PTPRB: variants seen among roughly 807,000 people sequenced by gnomAD.
PTPRB encodes protein tyrosine phosphatase receptor type B, also known as receptor-type tyrosine-protein phosphatase beta.
Under a neutral mutation model 238.1 loss-of-function variants are expected in PTPRB, and 97 were observed. The ratio of observed to expected loss-of-function variants is 0.41; its 90% CI spans 0.35 to 0.48. The LOEUF (loss-of-function observed/expected upper bound fraction) is 0.48, where lower values mean the gene tolerates loss of function less well. PTPRB is among the 20% of genes least tolerant of loss of function. PTPRB has a pLI of 0.30. For synonymous variants in PTPRB, 970 were observed against 995.4 expected (o/e 0.97, Z 0.48); for missense variants, 2,292 against 2,681.9 (o/e 0.85, Z 3.21).
chr12:70,544,718 GA>G, intron 21 of PTPRB, 55 bp from the exon 22 acceptor site: 3 of 1,217,286 alleles, frequency 2.5e-6, no homozygotes, highest in Non-Finnish European at 3.4e-6. Context: ...CACAGTAGCT[GA>G]AAAATGTGTT....
rs1171903413 is a variant in PTPRB, at chr12:70,571,192, C to G, written c.3204G>C (p.Glu1068Asp). The G allele has an allele frequency of 6.2e-7, 1 of 1,613,872 alleles. No individual in the cohort carries two copies. The highest frequency in any genetic ancestry group is 8.5e-7 in the Non-Finnish European group (1 of 1,179,892). Residue 1068 changes from glutamate (E) to aspartate (D), a missense_variant, in exon 13 of 34, where the codon GAG becomes GAC. Glu to Asp is a conservative substitution (Grantham distance 45, BLOSUM62 2). Around this residue, in one of 4 missense-constraint regions of PTPRB, gnomAD observed 1,205 missense variants for 1,287.8 expected, o/e 0.94. Transcript: ENST00000334414. ...TCATGTCATTGAAGAGCAGCTGGATCTCATATTGGTCGACATCCCCATTAG... is the reference window on the plus strand; with the variant it reads ...TCATGTCATTGAAGAGCAGCTGGATGTCATATTGGTCGACATCCCCATTAG... ...SGANGDVDQY[E>D]IQLLFNDMKV...
chr12:70,552,851 C>T lies in PTPRB; in HGVS notation c.5313G>A (p.Glu1771=). Residue 1771 remains glutamate, a synonymous_variant, in exon 21 of 34, where the codon GAG becomes GAA. Transcript: ENST00000334414. ...TGGGATCGCATTTTCCACCTAGGCT[C>T]TCCATCTCTGCTCCAAGCTTAATGT... The part of the protein sequence containing the change: ...SFNIKLGAEM[E]SLGGKCDPTQ... 1 of 1,613,990 alleles carries T rather than the reference C, an allele frequency of 6.2e-7. No homozygotes were observed. Among genetic ancestry groups the T allele is most frequent in the African/African-American group, 1.3e-5 (1 of 75,030 alleles).
chr12:70,549,977 C>T (rs986641174), intron 21 of PTPRB, among the ~76,000 whole-genome samples: 5 of 152,204 alleles, frequency 3.3e-5, no homozygotes, highest in African/African-American at 1.2e-4. Flanking sequence ...CAGGAACTTG[C>T]CATATTGTTT....
intron 11 of PTPRB, among the ~76,000 whole-genome samples, chr12:70,575,687 T>C (rs1211451183): frequency 1.3e-5 from 2 of 152,204 alleles, no homozygotes; most frequent in Non-Finnish European, 2.9e-5. Context: ...TGACAATGTA[T>C]TGATGCCAAC....
At chr12:70,556,817 C>T (rs1180360149) in intron 18 of PTPRB, among the ~76,000 whole-genome samples, 1 of 152,150 alleles carries the variant, frequency 6.6e-6, no homozygotes, top group Non-Finnish European at 1.5e-5. Flanking sequence ...GAATTATGTC[C>T]TCCTCTGAAG....
Position 70,534,377 on chromosome 12 carries a change from TC to T in PTPRB, c.6368+110del, listed in dbSNP as rs1873763890. ...TCTGGGGGCGAGGCAGGCTGGTTGG[TC>T]CAGACAAATCCTCCACCCACCAAAT... On this transcript the variant is annotated intron_variant, in intron 31 of 33. Transcript: ENST00000334414. 3 of 1,275,684 alleles carry T rather than the reference TC, an allele frequency of 2.4e-6. No individual in the cohort carries two copies. In the African/African-American group the frequency reaches 4.5e-5, roughly 19 times the overall value. 79.0% of individuals were successfully genotyped at this position (1,275,684 alleles called of 1,614,324 possible).
At chr12:70,612,333 T>C (rs1010987270) in intron 3 of PTPRB, among the ~76,000 whole-genome samples, 1 of 152,244 alleles carries the variant, frequency 6.6e-6, no homozygotes, top group Non-Finnish European at 1.5e-5. Flanking sequence ...AAAACTGTAA[T>C]ATATTCAAGG....
At chr12:70,600,049 C>CTTAA (rs907586746) in intron 4 of PTPRB, among the ~76,000 whole-genome samples, 1 of 149,938 alleles carries the variant, frequency 6.7e-6, no homozygotes, top group East Asian at 2.0e-4. Flanking sequence ...ATATTTGCTT[C>CTTAA]TTAATTGTTT....
At chr12:70,608,271 G>A (rs77310223) in intron 4 of PTPRB, among the ~76,000 whole-genome samples, 4,885 of 152,284 alleles carry the variant, frequency 0.032, 100 homozygotes, top group Non-Finnish European at 0.042. Flanking sequence ...CCTGAAAATT[G>A]TTAAAGAATT....
rs116068644 is a variant in PTPRB, at chr12:70,591,779, G to C, written c.1780+503C>G. Reference sequence around the variant, plus strand: ...ATGTAAAAACCACTCTTAGCTTGAGGGCTAAACAAAATCAGGCCACAGACC... The same window carrying C: ...ATGTAAAAACCACTCTTAGCTTGAGCGCTAAACAAAATCAGGCCACAGACC... On this transcript the variant is annotated intron_variant, in intron 7 of 33. Transcript: ENST00000334414. 671 of 157,204 alleles carry C rather than the reference G, an allele frequency of 4.3e-3. 5 individuals are homozygous for C. The highest frequency in any genetic ancestry group is 0.016 in the African/African-American group (645 of 41,562). 9.7% of individuals were successfully genotyped at this position (157,204 alleles called of 1,614,324 possible).
chr12:70,545,363 T>C (rs552966504), intron 21 of PTPRB, among the ~76,000 whole-genome samples: 2 of 152,338 alleles, frequency 1.3e-5, no homozygotes, highest in East Asian at 3.9e-4. Context: ...TACATATCTT[T>C]TGGCACTATT....
intron 20 of PTPRB, among the ~76,000 whole-genome samples, 174 bp downstream of exon 20, chr12:70,554,986 C>G (rs1877435058): frequency 6.6e-6 from 1 of 152,120 alleles, no homozygotes; most frequent in Non-Finnish European, 1.5e-5. Flanking sequence ...GCCCAAAGAG[C>G]CTTTGAGCAG....
At chr12:70,622,781 C>A in intron 2 of PTPRB, 135 bp from the exon 3 acceptor site, 1 of 1,050,350 alleles carries the variant, frequency 9.5e-7, no homozygotes, top group South Asian at 1.7e-5. Flanking sequence ...TATGAAAAAG[C>A]AAATATACTT....
rs754046338 is a variant in PTPRB at position 70,540,025 on chromosome 12, G to GAAAC, written c.5595-7_5595-4dup. The GAAAC allele has an allele frequency of 3.1e-6, 5 of 1,599,326 alleles. No individual in the cohort carries two copies. The Admixed American group carries it at 8.3e-5, about 27-fold the overall frequency. ...CAGAGGGTCTTTCTCGACCATGGCT[G>GAAAC]AAACATAAGGGAGATAACTTTTATT... is the stretch of plus-strand genomic sequence containing the variant. On this transcript the variant is annotated splice_polypyrimidine_tract_variant and splice_region_variant and intron_variant, in intron 23 of 33. Coordinates refer to ENST00000334414, the MANE Select transcript of PTPRB (RefSeq NM_001109754.4).
At position 70,562,764 on chromosome 12, in the gene PTPRB, C is replaced by T. The variant is rs551299152; in HGVS notation, c.4168+80G>A. 2.6e-6 allele frequency: 4 copies of T among 1,520,026 alleles called. No homozygotes were observed. The Admixed American group carries it at 7.5e-5, about 28-fold the overall frequency. The allele number at this position is 1,520,026 out of a possible 1,614,324, so 94.2% of individuals were successfully genotyped here. ...GCTACATCCTGAATAGAATAGGAAACTAAGGACCAACCAAGGAAAAGCCAG... is the reference window on the plus strand; with the variant it reads ...GCTACATCCTGAATAGAATAGGAAATTAAGGACCAACCAAGGAAAAGCCAG... On this transcript the variant is annotated intron_variant, in intron 16 of 33. Coordinates refer to ENST00000334414, the MANE Select transcript of PTPRB (RefSeq NM_001109754.4).
intron 27 of PTPRB, 26 bp downstream of exon 27, chr12:70,538,898 A>G (rs1874596905): frequency 6.4e-7 from 1 of 1,567,848 alleles, no homozygotes; most frequent in East Asian, 2.2e-5. Context: ...GGAAGACAGT[A>G]TTACAAATTT....
At chr12:70,582,258 A>T (rs1881471348) in intron 9 of PTPRB, among the ~76,000 whole-genome samples, 1 of 152,142 alleles carries the variant, frequency 6.6e-6, no homozygotes, top group Non-Finnish European at 1.5e-5. Context: ...CTGGATTAAG[A>T]TACAAAAGCG....
chr12:70,572,824 G>C (rs1051288095), intron 11 of PTPRB, among the ~76,000 whole-genome samples: 2 of 143,462 alleles, frequency 1.4e-5, no homozygotes, highest in Non-Finnish European at 3.1e-5. Flanking sequence ...AATGGAAGAA[G>C]AAACACATAT....
At chr12:70,550,922 G>A (rs1876781926) in intron 21 of PTPRB, among the ~76,000 whole-genome samples, 1 of 151,582 alleles carries the variant, frequency 6.6e-6, no homozygotes. Flanking sequence ...TTTAGATGGA[G>A]TCTTGCTCTG....
Sources: allele counts gnomAD v4.1 joint callset (sites outside exome capture counted in the v4.1 genomes callset), GRCh38; gene constraint gnomAD v4.1.1; regional missense constraint gnomAD v4.1.1; transcripts MANE v1.5; gene names NCBI Gene and HGNC (gene_info 2026-07-23, HGNC 2026-07-21).